CSMD1: variants seen among roughly 807,000 people sequenced by gnomAD.
The protein encoded by CSMD1 is CUB and Sushi multiple domains 1.
CSMD1 carries 213 observed loss-of-function variants against 417.5 expected under a neutral mutation model. The ratio of observed to expected loss-of-function variants is 0.51; its 90% CI spans 0.46 to 0.57. CSMD1 has a LOEUF of 0.57. CSMD1 is among the 20% of genes least tolerant of loss of function. The pLI is 0.00. For synonymous variants in CSMD1, 2,862 were observed against 1,736.8 expected (o/e 1.65, Z -16.11); for missense variants, 6,923 against 4,529.7 (o/e 1.53, Z -15.17).
intron 1 of CSMD1, among the ~76,000 whole-genome samples, chr8:4,848,798 C>T (rs1047365418): frequency 6.6e-6 from 1 of 152,198 alleles, no homozygotes. Context: ...GCCGTCTCAG[C>T]CTTCCAAAGT....
At chr8:4,928,290 T>C (rs1003226481) in intron 1 of CSMD1, among the ~76,000 whole-genome samples, 1 of 152,162 alleles carries the variant, frequency 6.6e-6, no homozygotes, top group African/African-American at 2.4e-5. Context: ...TGACCTCCCA[T>C]ATGTGCACAA....
intron 47 of CSMD1, among the ~76,000 whole-genome samples, chr8:3,094,449 C>G (rs745809748): frequency 2.4e-4 from 36 of 152,114 alleles, no homozygotes; most frequent in Non-Finnish European, 5.0e-4. Flanking sequence ...TCATAATGTT[C>G]TATCTGTTCT....
chr8:3,652,591 C>T (rs113139800), intron 7 of CSMD1, among the ~76,000 whole-genome samples: 31 of 152,300 alleles, frequency 2.0e-4, no homozygotes, highest in East Asian at 3.9e-4. Context: ...ATGTCGTACA[C>T]GGTGACAGGC....
chr8:3,877,427 G>A (rs1217890794), intron 5 of CSMD1, among the ~76,000 whole-genome samples: 6 of 152,192 alleles, frequency 3.9e-5, no homozygotes, highest in Admixed American at 3.9e-4. Flanking sequence ...GCGGAGTCTA[G>A]CGTTCCAGAT....
intron 3 of CSMD1, among the ~76,000 whole-genome samples, chr8:4,320,957 C>A (rs1799241783): frequency 6.6e-6 from 1 of 152,172 alleles, no homozygotes; most frequent in South Asian, 2.1e-4. Context: ...CCTAGCCACT[C>A]TGCCAGGTCC....
chr8:4,618,334 T>G (rs375861129), intron 2 of CSMD1, among the ~76,000 whole-genome samples: 1 of 152,096 alleles, frequency 6.6e-6, no homozygotes, highest in Non-Finnish European at 1.5e-5. Flanking sequence ...AGCCCAGCTT[T>G]GCTTGACGAA....
At position 4,295,856 on chromosome 8, in the gene CSMD1, C is replaced by T. The variant is rs1047178146; in HGVS notation, c.415+124097G>A. ...TATGCAAATTTCAGATTTCTTCAAC[C>T]ATTATCCCAAACAAGTACAATGCTC... On this transcript the variant is annotated intron_variant, in intron 3 of 69. Coordinates refer to ENST00000635120, the MANE Select transcript of CSMD1 (RefSeq NM_033225.6). 1.4e-5 allele frequency among the ~76,000 whole-genome samples: 2 copies of T among 147,128 alleles called. 1 individual carries two copies. The highest frequency in any genetic ancestry group is 4.3e-4 in the South Asian group (2 of 4,636).
At chr8:4,902,406 C>T (rs868149276) in intron 1 of CSMD1, among the ~76,000 whole-genome samples, 4 of 140,798 alleles carry the variant, frequency 2.8e-5, no homozygotes, top group Non-Finnish European at 6.2e-5. Flanking sequence ...CACTTAGCAA[C>T]AGAACAAGAA....
At chr8:3,523,417 T>C (rs1797596852) in intron 10 of CSMD1, among the ~76,000 whole-genome samples, 1 of 152,230 alleles carries the variant, frequency 6.6e-6, no homozygotes, top group South Asian at 2.1e-4. Context: ...TCAAAGCGTT[T>C]GCAACCTAGA....
chr8:3,741,213 T>TAAAAAAAA lies in CSMD1; in HGVS notation c.931+12709_931+12716dup, dbSNP rs58662516. ...CGGGCAACAGAGCAAGACTCCGTCTTAAAAAAAAAAAAAAAAAAAAAAAAA... is the reference window on the plus strand; with the variant it reads ...CGGGCAACAGAGCAAGACTCCGTCTTAAAAAAAAAAAAAAAAAAAAAAAAAAAAAAAAA... On this transcript the variant is annotated intron_variant, in intron 6 of 69. Transcript: ENST00000635120. Among the ~76,000 whole-genome samples the TAAAAAAAA allele has an allele frequency of 1.5e-3, 100 of 67,262 alleles. 2 individuals carry two copies. Among genetic ancestry groups the TAAAAAAAA allele is most frequent in the Non-Finnish European group, 1.8e-3 (68 of 36,842 alleles). 44.1% of individuals were successfully genotyped at this position (67,262 alleles called of 152,430 possible). A position where few individuals can be genotyped will look rare whatever the true frequency, so the allele number is the denominator to read the frequency against.
chr8:3,299,153 TA>T (rs566790003), intron 25 of CSMD1, among the ~76,000 whole-genome samples: 1 of 152,010 alleles, frequency 6.6e-6, no homozygotes, highest in Middle Eastern at 3.4e-3. Flanking sequence ...TAAAGGAAGT[TA>T]AAAAAAATGG....
chr8:4,240,440 T>C (rs1802326271), intron 3 of CSMD1, among the ~76,000 whole-genome samples: 1 of 152,224 alleles, frequency 6.6e-6, no homozygotes, highest in African/African-American at 2.4e-5. Flanking sequence ...AAGATTCACT[T>C]GTGAACTTAT....
chr8:4,338,200 A>G (rs1046560648), intron 3 of CSMD1, among the ~76,000 whole-genome samples: 5 of 152,158 alleles, frequency 3.3e-5, no homozygotes, highest in African/African-American at 1.2e-4. Context: ...GTTAGATTAG[A>G]GATGCATGTC....
At chr8:4,415,337 G>A (rs575653062) in intron 3 of CSMD1, among the ~76,000 whole-genome samples, 1 of 152,244 alleles carries the variant, frequency 6.6e-6, no homozygotes, top group Non-Finnish European at 1.5e-5. Context: ...CTTCTGCAGG[G>A]ATTCCTCCTT....
intron 3 of CSMD1, among the ~76,000 whole-genome samples, chr8:4,396,343 T>C (rs1804211758): frequency 6.7e-6 from 1 of 150,318 alleles, no homozygotes; most frequent in Admixed American, 6.6e-5. Flanking sequence ...AGCATGCACC[T>C]GTACTCCCAG....
chr8:3,314,680 A>G (rs73503731), intron 23 of CSMD1, among the ~76,000 whole-genome samples: 2,282 of 152,352 alleles, frequency 0.015, 54 homozygotes, highest in African/African-American at 0.051. Context: ...CATTCAGCTG[A>G]TGAAAATTAC....
chr8:4,490,714 G>A (rs1801655523), intron 2 of CSMD1, among the ~76,000 whole-genome samples: 2 of 152,166 alleles, frequency 1.3e-5, no homozygotes, highest in African/African-American at 2.4e-5. Context: ...AGGTGCATGG[G>A]AGACAACAGA....
intron 1 of CSMD1, among the ~76,000 whole-genome samples, chr8:4,664,332 G>T (rs1000258756): frequency 3.3e-5 from 5 of 152,178 alleles, no homozygotes; most frequent in Non-Finnish European, 7.3e-5. Flanking sequence ...GGCTGAGGCG[G>T]GCGGATCACT....
At chr8:4,030,761 C>G (rs956870708) in intron 4 of CSMD1, among the ~76,000 whole-genome samples, 1 of 152,106 alleles carries the variant, frequency 6.6e-6, no homozygotes, top group Admixed American at 6.5e-5. Flanking sequence ...TGTCAGACTG[C>G]AAAGTTCATG....
Sources: allele counts gnomAD v4.1 joint callset (sites outside exome capture counted in the v4.1 genomes callset), GRCh38; gene constraint gnomAD v4.1.1; transcripts MANE v1.5; gene names NCBI Gene and HGNC (gene_info 2026-07-23, HGNC 2026-07-21).